CCDC73: variants seen among roughly 807,000 people sequenced by gnomAD.
The protein encoded by CCDC73 is coiled-coil domain containing 73.
CCDC73 carries 95 observed loss-of-function variants against 116.5 expected under a neutral mutation model. That is an observed-to-expected ratio of 0.82 (90% CI 0.69 to 0.97). The LOEUF (loss-of-function observed/expected upper bound fraction) is 0.97, where lower values mean the gene tolerates loss of function less well. Ranked by LOEUF, CCDC73 falls within the 50% of genes least tolerant of loss-of-function variation. The pLI, the probability that CCDC73 is intolerant of heterozygous loss-of-function variation, is 0.00. For missense variants in CCDC73, 1,066 were observed against 1,206.8 expected (o/e 0.88, Z 1.73); for synonymous variants, 398 against 401.3 (o/e 0.99, Z 0.10).
intron 2 of CCDC73, among the ~76,000 whole-genome samples, chr11:32,753,911 C>T (rs915338048): frequency 6.6e-6 from 1 of 152,174 alleles, no homozygotes; most frequent in Non-Finnish European, 1.5e-5. Flanking sequence ...CACACCCAGC[C>T]CTGGGTTTTA....
At chr11:32,702,190 A>G (rs1849820019) in intron 4 of CCDC73, among the ~76,000 whole-genome samples, 1 of 152,222 alleles carries the variant, frequency 6.6e-6, no homozygotes, top group African/African-American at 2.4e-5. Context: ...AGGAAAAAGG[A>G]AGAAAAAATA....
In CCDC73 at chr11:32,611,184, T is replaced by C; in HGVS notation, c.2978A>G (p.Glu993Gly). The C allele has an allele frequency of 6.2e-7, 1 of 1,613,928 alleles. No individual in the cohort carries two copies. Among genetic ancestry groups the C allele is most frequent in the Non-Finnish European group, 8.5e-7 (1 of 1,179,806 alleles). The change falls in exon 17 of 18, where the codon GAG becomes GGG. Residue 993 changes from glutamate to glycine, a missense_variant. Physicochemically the swap from Glu to Gly is moderately conservative, Grantham distance 98. Transcript: ENST00000335185. ...HPDPKGEPSEEKNAMAKTFYD... is the reference protein window; with the variant it reads ...HPDPKGEPSEGKNAMAKTFYD... ...AAAAGTCTTTGCCATTGCATTCTTC[T>C]CTTCACTGGGTTCTCCCTTGGGATC...
At chr11:32,668,985 C>A (rs2133280675) in intron 9 of CCDC73, among the ~76,000 whole-genome samples, 1 of 152,164 alleles carries the variant, frequency 6.6e-6, no homozygotes, top group East Asian at 1.9e-4. Context: ...AATAATTATT[C>A]AAGTCCATAG....
upstream of CCDC73, among the ~76,000 whole-genome samples, chr11:32,796,069 G>A (rs897016049): frequency 2.6e-5 from 4 of 152,126 alleles, no homozygotes; most frequent in South Asian, 4.1e-4. Context: ...TTCTCCAAGC[G>A]TTTGCCCAGA....
At chr11:32,642,359 A>G (rs539213909) in intron 12 of CCDC73, among the ~76,000 whole-genome samples, 8 of 152,062 alleles carry the variant, frequency 5.3e-5, no homozygotes, top group Non-Finnish European at 1.0e-4. Context: ...AATGTGCTGA[A>G]AAGGTAATAT....
chr11:32,820,755 CTT>C, the CCDC73 span, among the ~76,000 whole-genome samples: 1 of 152,074 alleles, frequency 6.6e-6, no homozygotes, highest in Non-Finnish European at 1.5e-5. Flanking sequence ...ATTTTTTTCT[CTT>C]TGTCAATCTA....
chr11:32,819,745 G>A, the CCDC73 span, among the ~76,000 whole-genome samples: 3 of 152,176 alleles, frequency 2.0e-5, no homozygotes, highest in Non-Finnish European at 2.9e-5. Context: ...ACAGGCGTGA[G>A]CCACTATACA....
intron 2 of CCDC73, among the ~76,000 whole-genome samples, chr11:32,754,153 A>T (rs1455885154): frequency 6.6e-6 from 1 of 152,226 alleles, no homozygotes; most frequent in Non-Finnish European, 1.5e-5. Flanking sequence ...TCTTAAATAT[A>T]TAACTTTAGA....
At chr11:32,828,244 C>CA in the CCDC73 span, among the ~76,000 whole-genome samples, 1 of 152,172 alleles carries the variant, frequency 6.6e-6, no homozygotes, top group African/African-American at 2.4e-5. Flanking sequence ...CACAGTGGCT[C>CA]ATGCCTGTAA....
In CCDC73 at chr11:32,613,522, C is replaced by T; in HGVS notation, c.2796G>A (p.Leu932=). The change falls in exon 16 of 18, where the codon CTG becomes CTA. Residue 932 remains leucine, a synonymous_variant. Coordinates refer to ENST00000335185, the MANE Select transcript of CCDC73 (RefSeq NM_001008391.4). ...CTGATGGATCTAGTGGTCTCTCCTTCAGCAACAAAGAAATGCAAGGGGTCG... is the reference window on the plus strand; with the variant it reads ...CTGATGGATCTAGTGGTCTCTCCTTTAGCAACAAAGAAATGCAAGGGGTCG... The part of the protein sequence containing the change: ...SSSTPCISLL[L]KERPLDPSEN... The T allele has an allele frequency of 1.2e-6, 2 of 1,614,088 alleles. No homozygotes were observed. Among genetic ancestry groups the T allele is most frequent in the Non-Finnish European group, 1.7e-6 (2 of 1,179,996 alleles).
chr11:32,772,282 T>C (rs540062075), intron 1 of CCDC73, among the ~76,000 whole-genome samples: 21 of 152,152 alleles, frequency 1.4e-4, no homozygotes, highest in African/African-American at 4.8e-5. Flanking sequence ...TTTTCTCAAA[T>C]GTCAGACGAT....
intron 17 of CCDC73, chr11:32,604,082 A>G (rs1855313355): frequency 6.6e-6 from 1 of 151,992 alleles, no homozygotes; most frequent in Non-Finnish European, 1.5e-5. Flanking sequence ...TAAATAATAG[A>G]TAAAACAAAA....
intron 2 of CCDC73, among the ~76,000 whole-genome samples, chr11:32,745,744 GGTTTTT>G (rs1185837278): frequency 9.4e-5 from 4 of 42,722 alleles, no homozygotes; most frequent in South Asian, 8.1e-4. Context: ...TGTTTGTTTT[GGTTTTT>G]TTTTTTTTTT....
At chr11:32,808,355 T>A in the CCDC73 span, among the ~76,000 whole-genome samples, 309 of 152,304 alleles carry the variant, frequency 2.0e-3, 3 homozygotes, top group Non-Finnish European at 3.2e-3. Context: ...ACAGGCCATG[T>A]GGGCTGGGCG....
chr11:32,729,346 G>A (rs533296463), intron 2 of CCDC73, among the ~76,000 whole-genome samples: 1 of 152,152 alleles, frequency 6.6e-6, no homozygotes, highest in Non-Finnish European at 1.5e-5. Flanking sequence ...CAAAGGACAT[G>A]ATCTCGTTCC....
rs61889433 is a variant in CCDC73 at position 32,674,660 on chromosome 11, T to G, written c.645+905A>C. ...TCCTATTTTTTGGCTTTTCTCAGCC[T>G]ATTGTAGGCTGACTGCCAGCCACAA... On this transcript the variant is annotated intron_variant, in intron 9 of 17. Coordinates refer to ENST00000335185, the MANE Select transcript of CCDC73 (RefSeq NM_001008391.4). 1.1e-4 allele frequency among the ~76,000 whole-genome samples: 3 copies of G among 27,362 alleles called. No homozygotes were observed. The Admixed American group carries it at 1.8e-3, about 16-fold the overall frequency. 18.0% of individuals were successfully genotyped at this position (27,362 alleles called of 152,430 possible).
In CCDC73 at chr11:32,678,938, A is replaced by T. The variant is rs140503905; in HGVS notation, c.430-2917T>A. Among the ~76,000 whole-genome samples, 14 of 151,976 alleles carry T rather than the reference A, an allele frequency of 9.2e-5. No individual in the cohort carries two copies. The East Asian group carries it at 2.7e-3, about 29-fold the overall frequency. On this transcript the variant is annotated intron_variant, in intron 7 of 17. Coordinates refer to ENST00000335185, the MANE Select transcript of CCDC73 (RefSeq NM_001008391.4). ...CACACACACAGACACACACACGAAG[A>T]ACACACATTACAATTTAAGTTGTAC...
At chr11:32,720,781 G>A (rs575363640) in intron 2 of CCDC73, among the ~76,000 whole-genome samples, 1 of 152,228 alleles carries the variant, frequency 6.6e-6, no homozygotes, top group East Asian at 1.9e-4. Flanking sequence ...CAAATCAAGA[G>A]AGTAATTATC....
chr11:32,793,860 C>T (rs1327383704), intron 1 of CCDC73, among the ~76,000 whole-genome samples: 15 of 152,130 alleles, frequency 9.9e-5, no homozygotes, highest in African/African-American at 3.1e-4. Context: ...ATCCGCCCGC[C>T]TCGGCCTCCC....
Sources: allele counts gnomAD v4.1 joint callset (sites outside exome capture counted in the v4.1 genomes callset), GRCh38; gene constraint gnomAD v4.1.1; transcripts MANE v1.5; gene names NCBI Gene and HGNC (gene_info 2026-07-23, HGNC 2026-07-21).